SDK1: variants seen among roughly 807,000 people sequenced by gnomAD.
The protein encoded by SDK1 is sidekick cell adhesion molecule 1.
SDK1 carries 157 observed loss-of-function variants against 245.5 expected under a neutral mutation model. The observed-to-expected ratio is 0.64, with a 90% CI of 0.56 to 0.73. The LOEUF (loss-of-function observed/expected upper bound fraction) is 0.73. Among genes scored for constraint, SDK1 ranks in the 30% least tolerant of loss-of-function variants. SDK1 has a pLI of 0.00. For missense variants in SDK1, 3,583 were observed against 3,002.3 expected, an observed-to-expected ratio of 1.19 and a Z score of -4.52; for synonymous variants, 1,647 against 1,278.5, an observed-to-expected ratio of 1.29 and a Z score of -6.15.
intron 1 of SDK1, among the ~76,000 whole-genome samples, chr7:3,412,504 A>G (rs1344501792): frequency 1.3e-5 from 2 of 152,222 alleles, no homozygotes; most frequent in African/African-American, 4.8e-5. Context: ...TGTTTATACC[A>G]TAATTTATTT....
At chr7:4,009,152 GT>G (rs545908784) in intron 14 of SDK1, among the ~76,000 whole-genome samples, 16 of 152,266 alleles carry the variant, frequency 1.1e-4, no homozygotes, top group African/African-American at 3.6e-4. Context: ...TTTGTCCACT[GT>G]TTTCACGGAA....
chr7:4,132,647 G>A, intron 28 of SDK1: 1 of 441,214 alleles, frequency 2.3e-6, no homozygotes, highest in South Asian at 2.5e-5. Flanking sequence ...AGGATCGCTT[G>A]AGCCCAGGAG....
intron 1 of SDK1, among the ~76,000 whole-genome samples, chr7:3,537,591 A>G (rs527358223): frequency 6.6e-6 from 1 of 152,322 alleles, no homozygotes; most frequent in South Asian, 2.1e-4. Context: ...AAGCTTGTTT[A>G]AAAAATAATC....
At chr7:3,716,128 A>C (rs923812332) in intron 4 of SDK1, among the ~76,000 whole-genome samples, 2 of 151,804 alleles carry the variant, frequency 1.3e-5, no homozygotes, top group Non-Finnish European at 2.9e-5. Context: ...AAAAAAAAAA[A>C]AATGAACAGA....
intron 20 of SDK1, among the ~76,000 whole-genome samples, chr7:4,070,951 C>A (rs1780220069): frequency 1.3e-5 from 2 of 151,920 alleles, no homozygotes; most frequent in Non-Finnish European, 2.9e-5. Context: ...ACCTCGTGAT[C>A]CACCCACTTT....
At chr7:3,483,193 A>T (rs1196652116) in intron 1 of SDK1, among the ~76,000 whole-genome samples, 1 of 152,200 alleles carries the variant, frequency 6.6e-6, no homozygotes, top group Non-Finnish European at 1.5e-5. Context: ...TTTGTTAAAA[A>T]CTGACATCTT....
intron 1 of SDK1, among the ~76,000 whole-genome samples, chr7:3,584,630 T>G (rs745495487): frequency 2.6e-5 from 4 of 152,250 alleles, no homozygotes; most frequent in South Asian, 2.1e-4. Context: ...GAGAGAACTT[T>G]CCAGAGAAGT....
chr7:3,545,326 G>T (rs961934216), intron 1 of SDK1, among the ~76,000 whole-genome samples: 1 of 152,038 alleles, frequency 6.6e-6, no homozygotes, highest in Non-Finnish European at 1.5e-5. Flanking sequence ...TTTGGCAGGC[G>T]GTCAAAAGGC....
chr7:3,655,501 A>ATATATATATGTATG (rs1554303530), intron 4 of SDK1, among the ~76,000 whole-genome samples: 6 of 52,810 alleles, frequency 1.1e-4, no homozygotes, highest in African/African-American at 2.3e-4. Context: ...ATATATATAT[A>ATATATATATGTATG]TATGTATGTA....
Position 4,268,093 on chromosome 7 carries a change from T to C in SDK1, c.*2709T>C. 1.0e-6 allele frequency: 1 copy of C among 985,554 alleles called. No individual in the cohort carries two copies. The highest frequency in any genetic ancestry group is 1.2e-6 in the Non-Finnish European group (1 of 830,008). 61.1% of individuals were successfully genotyped at this position (985,554 alleles called of 1,614,324 possible). A position where few individuals can be genotyped will look rare whatever the true frequency, so the allele number is the denominator to read the frequency against. The stretch of plus-strand genomic sequence containing the variant: ...CAAAATGTCTCTAAGCCAGGCTAGA[T>C]GGAATGTGCTCCCGCTCTCTCCTGC... On this transcript the variant is annotated 3_prime_UTR_variant, in exon 45 of 45. Coordinates refer to ENST00000404826, the MANE Select transcript of SDK1 (RefSeq NM_152744.4).
At chr7:3,334,101 G>C (rs1442493764) in intron 1 of SDK1, among the ~76,000 whole-genome samples, 2 of 152,184 alleles carry the variant, frequency 1.3e-5, no homozygotes, top group African/African-American at 4.8e-5. Flanking sequence ...TGTTTATCAT[G>C]ATCTGAAGGA....
rs944957086 is a variant in SDK1, at chr7:4,268,888, G to A, written c.*3504G>A. The A allele has an allele frequency of 4.4e-6, 2 of 457,822 alleles. No individual in the cohort carries two copies. Among genetic ancestry groups the A allele is most frequent in the Non-Finnish European group, 8.0e-6 (2 of 250,816 alleles). The allele number at this position is 457,822 out of a possible 1,614,324, so 28.4% of individuals were successfully genotyped here. ...CTAAACGTTCCCTACAACTTTTTCT[G>A]AAATTGTGCAGAAAAACAGATCTCA... is the stretch of plus-strand genomic sequence containing the variant. On this transcript the variant is annotated 3_prime_UTR_variant, in exon 45 of 45. Transcript: ENST00000404826.
At chr7:4,047,363 A>G (rs938152782) in intron 17 of SDK1, among the ~76,000 whole-genome samples, 1 of 152,124 alleles carries the variant, frequency 6.6e-6, no homozygotes, top group African/African-American at 2.4e-5. Flanking sequence ...AGGCTAGACT[A>G]TGACTGTTAT....
chr7:3,461,728 T>C (rs911792810), intron 1 of SDK1, among the ~76,000 whole-genome samples: 1 of 152,182 alleles, frequency 6.6e-6, no homozygotes, highest in Non-Finnish European at 1.5e-5. Context: ...ACAGAAGCCA[T>C]TAGATGGAAA....
At chr7:3,383,714 A>C (rs1189377862) in intron 1 of SDK1, among the ~76,000 whole-genome samples, 1 of 152,220 alleles carries the variant, frequency 6.6e-6, no homozygotes, top group Admixed American at 6.5e-5. Context: ...TAATTGCACA[A>C]ATTACTGTAG....
chr7:3,570,211 C>T (rs1246010280), intron 1 of SDK1, among the ~76,000 whole-genome samples: 2 of 152,132 alleles, frequency 1.3e-5, no homozygotes, highest in Admixed American at 1.3e-4. Flanking sequence ...GATAGTTTTT[C>T]CACAGCCCAG....
Position 3,760,758 on chromosome 7 carries a change from C to T in SDK1, c.714-60692C>T, listed in dbSNP as rs145173380. On this transcript the variant is annotated intron_variant, in intron 4 of 44. Transcript: ENST00000404826. ...ACCACTGATCTGTTTCTGACTTTTC[C>T]GTTTTTGCCTTTCTCAGTAGGCAAT... Among the ~76,000 whole-genome samples the T allele has an allele frequency of 5.3e-5, 8 of 152,276 alleles. No homozygotes were observed. In the East Asian group the frequency reaches 1.4e-3, roughly 26 times the overall value.
intron 19 of SDK1, among the ~76,000 whole-genome samples, chr7:4,058,047 A>G (rs1470920782): frequency 6.6e-6 from 1 of 152,234 alleles, no homozygotes; most frequent in Non-Finnish European, 1.5e-5. Context: ...TTCTCTAGCA[A>G]CAGATTCCAA....
At chr7:3,574,199 C>G (rs371326663) in intron 1 of SDK1, among the ~76,000 whole-genome samples, 6 of 151,902 alleles carry the variant, frequency 3.9e-5, no homozygotes, top group African/African-American at 1.4e-4. Context: ...TCACTGCAAC[C>G]TCCACCTCCT....
Sources: gnomAD v4.1 joint callset for allele counts (sites outside exome capture counted in the v4.1 genomes callset) on GRCh38, gnomAD v4.1.1 for gene constraint, MANE v1.5 for transcripts, NCBI Gene and HGNC (gene_info 2026-07-23, HGNC 2026-07-21) for gene names.